Variants in PDIA2 observed in about 807,000 individuals in gnomAD.
PDIA2 encodes the protein protein disulfide isomerase family A member 2, also known as protein disulfide-isomerase A2.
A neutral mutation model predicts 51.1 loss-of-function variants in PDIA2; 76 were observed. That is an observed-to-expected ratio of 1.49 (90% CI 1.24 to 1.80). The LOEUF is 1.80. Ranked by LOEUF, PDIA2 falls within the 40% of genes most tolerant of loss-of-function variation. The probability of loss-of-function intolerance (pLI) is 0.00; values close to 1 mark genes in which losing one functional copy is unlikely to be tolerated. For synonymous variants in PDIA2, 429 were observed against 309.9 expected (o/e 1.38, Z -4.04); for missense variants, 946 against 706.5 (o/e 1.34, Z -3.84).
At position 284,878 on chromosome 16, in the gene PDIA2, G is replaced by C. The variant is rs754460211; in HGVS notation, c.541G>C (p.Asp181His). 1.9e-6 allele frequency: 3 copies of C among 1,612,384 alleles called. No individual in the cohort carries two copies. The South Asian group carries it at 3.3e-5, about 18-fold the overall frequency. The change falls in exon 4 of 11, where the codon GAC (aspartate) becomes CAC (histidine). Residue 181 changes from aspartate to histidine, a missense_variant and splice_region_variant. By Grantham distance (81) the Asp-to-His change is moderately conservative. Coordinates refer to ENST00000219406, the MANE Select transcript of PDIA2 (RefSeq NM_006849.4). ...GGCCTCACAGGGCCAGGCCCCTCAGGACCTGCAGGACGAGGACGTGGCCAC... is the reference window on the plus strand; with the variant it reads ...GGCCTCACAGGGCCAGGCCCCTCAGCACCTGCAGGACGAGGACGTGGCCAC... ...RDLVVIGFFQ[D>H]LQDEDVATFL...
Position 286,820 on chromosome 16 carries a change from C to T in PDIA2, c.1423-15C>T, listed in dbSNP as rs1042166630. The T allele has an allele frequency of 5.6e-6, 9 of 1,611,140 alleles. No homozygotes were observed. The East Asian group carries it at 8.9e-5, about 16-fold the overall frequency. ...GGGCCCCACGTGTCCTCCAGATCCC[C>T]CTGCCTCTTCTCAGGTGATTGAATA... On this transcript the variant is annotated splice_polypyrimidine_tract_variant and intron_variant, in intron 9 of 10. Transcript: ENST00000219406.
At position 285,890 on chromosome 16, in the gene PDIA2, A is replaced by ACCCCGCGGTTCTCCC. The variant is rs1567250735; in HGVS notation, c.1119+187_1119+188insCCCCGCGGTTCTCCC. On this transcript the variant is annotated intron_variant, in intron 7 of 10. Coordinates refer to ENST00000219406, the MANE Select transcript of PDIA2 (RefSeq NM_006849.4). ...CAACCCGGCGGTTCTCCCAACCCCAAACCCGCGGTTCTCCCAACCCCAACC... is the reference window on the plus strand; with the variant it reads ...CAACCCGGCGGTTCTCCCAACCCCAACCCCGCGGTTCTCCCACCCGCGGTTCTCCCAACCCCAACC... 2.4e-4 allele frequency among the ~76,000 whole-genome samples: 19 copies of ACCCCGCGGTTCTCCC among 80,078 alleles called. 1 individual carries two copies. The highest frequency in any genetic ancestry group is 9.6e-4 in the African/African-American group (16 of 16,596). 52.5% of individuals were successfully genotyped at this position (80,078 alleles called of 152,430 possible).
At position 286,907 on chromosome 16, in the gene PDIA2, ACGGAGGAGCCCC is replaced by A. The variant is rs753759597; in HGVS notation, c.1506_1517del (p.Pro503_Pro506del). The A allele has an allele frequency of 7.5e-6, 12 of 1,602,170 alleles. No individual in the cohort carries two copies. In the Admixed American group the frequency reaches 1.2e-4, roughly 16 times the overall value. Reference sequence around the variant, plus strand: ...CCTGGACAACGGGGGCGTGCTGCCCACGGAGGAGCCCCCGGAGGAGCCAGCAGCCCCGTTCCC... The same window carrying A: ...CCTGGACAACGGGGGCGTGCTGCCCACGGAGGAGCCAGCAGCCCCGTTCCC... On this transcript the variant is annotated inframe_deletion, in exon 10 of 11. Transcript: ENST00000219406.
Position 285,839 on chromosome 16 carries a change from T to TCCCAAC in PDIA2, c.1119+139_1119+144dup, listed in dbSNP as rs1286164460. The TCCCAAC allele has an allele frequency of 1.7e-5, 16 of 953,998 alleles. No individual in the cohort carries two copies. The African/African-American group carries it at 1.9e-4, about 11-fold the overall frequency. 59.1% of individuals were successfully genotyped at this position (953,998 alleles called of 1,614,324 possible). On this transcript the variant is annotated intron_variant, in intron 7 of 10. Coordinates refer to ENST00000219406, the MANE Select transcript of PDIA2 (RefSeq NM_006849.4). ...GAGGCCCCCCTCAACCCGGCAATTC[T>TCCCAAC]CCCAACCCGGCGGTTCTCCCAACCC...
At position 283,236 on chromosome 16, in the gene PDIA2, G is replaced by T; in HGVS notation, c.67G>T (p.Glu23Ter). 1 of 1,610,392 alleles carries T rather than the reference G, an allele frequency of 6.2e-7. No homozygotes were observed. The highest frequency in any genetic ancestry group is 1.1e-5 in the South Asian group (1 of 90,822). Residue 23 changes from glutamate (E) to a stop codon, truncating the protein, a stop_gained, in exon 1 of 11, where the codon GAA becomes TAA. Transcript: ENST00000219406. LOFTEE classifies it high-confidence loss of function. ...CAGGGCTTCGTGCCCATGGGGTCAG[G>T]AACAGGGAGCGAGGAGCCCCTCGGA... ...LLRASCPWGQEQGARSPSEEP... is the reference protein window; with the variant it reads ...LLRASCPWGQ
intron 5 of PDIA2, 36 bp from the exon 6 acceptor site, chr16:285,276 G>T: frequency 1.2e-6 from 2 of 1,612,044 alleles, no homozygotes; most frequent in East Asian, 2.2e-5. Flanking sequence ...CTAGGCTGGG[G>T]GTCCTGTGGA....
rs77223682 is a variant in PDIA2 at position 283,842 on chromosome 16, C to A, written c.199+474C>A. On this transcript the variant is annotated intron_variant, in intron 1 of 10. Transcript: ENST00000219406. ...CATGGGCCCGGGAGCCCCAGCCATACAAGGCACGAAAGGGAGGGGTCTTTT... is the reference window on the plus strand; with the variant it reads ...CATGGGCCCGGGAGCCCCAGCCATAAAAGGCACGAAAGGGAGGGGTCTTTT... Among the ~76,000 whole-genome samples, 181 of 152,294 alleles carry A rather than the reference C, an allele frequency of 1.2e-3. 2 individuals are homozygous for A. The East Asian group carries it at 0.031, about 26-fold the overall frequency.
chr16:285,966 T>TCCCAAC (rs1268464640), intron 7 of PDIA2, among the ~76,000 whole-genome samples: 26 of 12,268 alleles, frequency 2.1e-3, no homozygotes, highest in African/African-American at 0.011. Flanking sequence ...CCCGCGGTTC[T>TCCCAAC]CCCAACCCCG....
At position 285,697 on chromosome 16, in the gene PDIA2, A is replaced by T; in HGVS notation, c.1113A>T (p.Gln371His). Residue 371 changes from glutamine (Q) to histidine (H), a missense_variant, in exon 7 of 11, where the codon CAA (glutamine) becomes CAT (histidine). By Grantham distance (24) the Gln-to-His change is conservative. Transcript: ENST00000219406. ...TCTGCCATGCAGTCCTCAACGGCCA[A>T]GTCAAGGTCCGCTGCAGACTGCTCA... ...TAFCHAVLNGQVKPYLLSQEI... is the reference protein window; with the variant it reads ...TAFCHAVLNGHVKPYLLSQEI... 6.2e-7 allele frequency: 1 copy of T among 1,612,812 alleles called. No homozygotes were observed. The highest frequency in any genetic ancestry group is 8.5e-7 in the Non-Finnish European group (1 of 1,179,830).
intron 9 of PDIA2, 48 bp from the exon 10 acceptor site, chr16:286,787 A>T: frequency 6.2e-7 from 1 of 1,612,194 alleles, no homozygotes; most frequent in Non-Finnish European, 8.5e-7. Flanking sequence ...CTTGCTGGGC[A>T]TGGGGCTGGG....
In PDIA2 at chr16:283,325, G is replaced by A. The variant is rs769559995; in HGVS notation, c.156G>A (p.Leu52=). 2.5e-6 allele frequency: 4 copies of A among 1,609,756 alleles called. No individual in the cohort carries two copies. Among genetic ancestry groups the A allele is most frequent in the Admixed American group, 1.7e-5 (1 of 59,626 alleles). The change falls in exon 1 of 11, where the codon CTG becomes CTA. Residue 52 remains leucine (L), a synonymous_variant. Coordinates refer to ENST00000219406, the MANE Select transcript of PDIA2 (RefSeq NM_006849.4). ...DGILVLSRHT[L]GLALREHPAL... ...TCTTGGTGCTGAGCCGCCACACCCT[G>A]GGCCTGGCCCTGCGGGAGCACCCTG...
Position 285,294 on chromosome 16 carries a change from G to A in PDIA2, c.796-18G>A, listed in dbSNP as rs748592974. On this transcript the variant is annotated intron_variant, in intron 5 of 10. Transcript: ENST00000219406. ...GGCTGGGGGTCCTGTGGAGTCATGA[G>A]CACCCTCCCTACTGTAGACGTCTGC... 5.0e-6 allele frequency: 8 copies of A among 1,612,480 alleles called. No individual in the cohort carries two copies. In the South Asian group the frequency reaches 7.7e-5, roughly 15 times the overall value.
At chr16:284,273 C>A in intron 1 of PDIA2, 114 bp from the exon 2 acceptor site, 1 of 1,100,812 alleles carries the variant, frequency 9.1e-7, no homozygotes, top group Non-Finnish European at 1.3e-6. Context: ...TTGTCCACGG[C>A]CAGGGCTCAG....
In PDIA2 at chr16:285,377, G is replaced by C; in HGVS notation, c.861G>C (p.Leu287=). The C allele has an allele frequency of 6.2e-7, 1 of 1,612,756 alleles. No individual in the cohort carries two copies. The highest frequency in any genetic ancestry group is 8.5e-7 in the Non-Finnish European group (1 of 1,179,884). The part of the protein sequence containing the change: ...NHLLLFVNQT[L]AAHRELLAGF... ...TGCTGCTGTTTGTCAACCAGACGCT[G>C]GCTGCGCACCGGGAGCTCCTAGCGG... Residue 287 remains leucine, a synonymous_variant, in exon 6 of 11, where the codon CTG becomes CTC. Transcript: ENST00000219406.
intron 1 of PDIA2, chr16:284,143 C>G (rs2052322271): frequency 1.7e-6 from 1 of 575,882 alleles, no homozygotes; most frequent in Non-Finnish European, 3.1e-6. Flanking sequence ...GCTGGGATTA[C>G]TGGCGTGAGC....
Position 283,291 on chromosome 16 carries a change from A to G in PDIA2, c.122A>G (p.Glu41Gly). The change falls in exon 1 of 11, where the codon GAG (glutamate) becomes GGG (glycine). Residue 41 changes from glutamate to glycine, a missense_variant. Glu to Gly is a moderately conservative substitution (Grantham distance 98, BLOSUM62 -2). Transcript: ENST00000219406. Reference sequence around the variant, plus strand: ...CCTCCAGAGGAGGAAATCCCCAAGGAGGATGGGATCTTGGTGCTGAGCCGC... The same window carrying G: ...CCTCCAGAGGAGGAAATCCCCAAGGGGGATGGGATCTTGGTGCTGAGCCGC... ...EEPPEEEIPK[E>G]DGILVLSRHT... 1 of 1,609,810 alleles carries G rather than the reference A, an allele frequency of 6.2e-7. No individual in the cohort carries two copies. Among genetic ancestry groups the G allele is most frequent in the South Asian group, 1.1e-5 (1 of 90,674 alleles).
chr16:287,105 G>A lies in PDIA2; in HGVS notation c.1570G>A (p.Glu524Lys), dbSNP rs1488760378. The change falls in exon 11 of 11, where the codon GAA becomes AAA. Residue 524 changes from glutamate to lysine, a missense_variant. Glu to Lys is a moderately conservative substitution (Grantham distance 56). Coordinates refer to ENST00000219406, the MANE Select transcript of PDIA2 (RefSeq NM_006849.4). ...CAACTCCACTATGGGGTCCAAGGAG[G>A]AACTGTAGCTGCCCCCGTGTCACCC... ...PANSTMGSKE[E>K]L 3.7e-6 allele frequency: 6 copies of A among 1,612,788 alleles called. No homozygotes were observed. The highest frequency in any genetic ancestry group is 2.2e-5 in the South Asian group (2 of 91,066).
rs200864118 is a variant in PDIA2 at position 287,155 on chromosome 16, C to T, written c.*42C>T. 4.3e-6 allele frequency: 7 copies of T among 1,610,758 alleles called. No homozygotes were observed. In the East Asian group the frequency reaches 1.3e-4, roughly 31 times the overall value. On this transcript the variant is annotated 3_prime_UTR_variant, in exon 11 of 11. Coordinates refer to ENST00000219406, the MANE Select transcript of PDIA2 (RefSeq NM_006849.4). ...CCCGCCATCACTGCTGGACAGGAGCCACCCCCTTGGGTACCAGAGGGAGCT... is the reference window on the plus strand; with the variant it reads ...CCCGCCATCACTGCTGGACAGGAGCTACCCCCTTGGGTACCAGAGGGAGCT...
chr16:284,029 T>G (rs1341346251), intron 1 of PDIA2: 1 of 335,748 alleles, frequency 3.0e-6, no homozygotes, highest in Non-Finnish European at 5.8e-6. Flanking sequence ...CAATCCCGGC[T>G]AATATTTTTT....
Sources: allele counts gnomAD v4.1 joint callset (sites outside exome capture counted in the v4.1 genomes callset), GRCh38; gene constraint gnomAD v4.1.1; transcripts MANE v1.5; gene names NCBI Gene and HGNC (gene_info 2026-07-23, HGNC 2026-07-21).